The following LPIN1 variants were observed in gnomAD, a reference collection of about 807,000 sequenced individuals.
The protein encoded by LPIN1 is lipin 1.
Under a neutral mutation model 107.5 loss-of-function variants are expected in LPIN1, and 71 were observed. That is an observed-to-expected ratio of 0.66 (90% CI 0.55 to 0.80). The LOEUF (loss-of-function observed/expected upper bound fraction) is 0.80, where lower values mean the gene tolerates loss of function less well. Among genes scored for constraint, LPIN1 ranks in the 30% least tolerant of loss-of-function variants. LPIN1 has a pLI of 0.00. For synonymous variants in LPIN1, 445 were observed against 452.6 expected (o/e 0.98, Z 0.21); for missense variants, 1,043 against 1,160.6 (o/e 0.90, Z 1.47).
chr2:11,750,906 A>G lies in LPIN1; in HGVS notation c.-10+4235A>G, dbSNP rs150292084. 1.7e-3 allele frequency among the ~76,000 whole-genome samples: 261 copies of G among 152,360 alleles called. 1 individual carries two copies. Among genetic ancestry groups the G allele is most frequent in the African/African-American group, 6.1e-3 (253 of 41,590 alleles). On this transcript the variant is annotated intron_variant, in intron 1 of 20. Coordinates refer to ENST00000674199, the MANE Select transcript of LPIN1 (RefSeq NM_001349206.2). ...AGAAATAAAGTTATAAGGGCAGAGC[A>G]TTCTTTTTGACCAAGACACGAATTT... is the stretch of plus-strand genomic sequence containing the variant.
Position 11,784,896 on chromosome 2 carries a change from T to G in LPIN1, c.1369T>G (p.Ser457Ala), listed in dbSNP as rs2148660867. The G allele has an allele frequency of 3.1e-6, 5 of 1,613,880 alleles. No homozygotes were observed. Among genetic ancestry groups the G allele is most frequent in the Non-Finnish European group, 4.2e-6 (5 of 1,179,992 alleles). ...ALYFPKNGDP[S>A]GLAKHASDNG... ...TTTTCCTCCTTCCAGCGGAGATCCT[T>G]CCGGACTCGCAAAACATGCAAGCGA... Residue 457 changes from serine (S) to alanine (A), a missense_variant, in exon 10 of 21, where the codon TCC becomes GCC. Coordinates refer to ENST00000674199, the MANE Select transcript of LPIN1 (RefSeq NM_001349206.2).
At chr2:11,767,694 C>A in intron 2 of LPIN1, 69 bp from the exon 3 acceptor site, 1 of 957,442 alleles carries the variant, frequency 1.0e-6, no homozygotes, top group Non-Finnish European at 1.7e-6. Context: ...GGAGACTTGG[C>A]CGTCCCCATG....
chr2:11,741,120 T>C (rs192844524), intron 1 of LPIN1: 4 of 387,806 alleles, frequency 1.0e-5, no homozygotes, highest in Middle Eastern at 6.6e-4. Context: ...GCAGCACAAA[T>C]GGGAGGCCCT....
At chr2:11,729,641 A>C (rs11676410) in intron 1 of LPIN1, among the ~76,000 whole-genome samples, 17 of 152,148 alleles carry the variant, frequency 1.1e-4, no homozygotes, top group Non-Finnish European at 2.4e-4. Context: ...AGTAGGTGCA[A>C]CAGAGACCAT....
intron 1 of LPIN1, among the ~76,000 whole-genome samples, chr2:11,693,170 G>A (rs561567308): frequency 6.6e-6 from 1 of 151,494 alleles, no homozygotes. Context: ...GTACAGTCGT[G>A]GTCCAAAGGT....
chr2:11,721,888 A>C (rs1664173534), upstream of LPIN1: 1 of 152,406 alleles, frequency 6.6e-6, no homozygotes. Flanking sequence ...CTCAGCACAG[A>C]GAAGTTCAAT....
intron 1 of LPIN1, among the ~76,000 whole-genome samples, chr2:11,757,385 T>C (rs922117344): frequency 2.6e-5 from 4 of 152,172 alleles, no homozygotes; most frequent in African/African-American, 9.7e-5. Context: ...TGGGCAGGTA[T>C]GGGGAGGTGG....
At chr2:11,715,280 G>A (rs1215734659) in intron 2 of LPIN1, among the ~76,000 whole-genome samples, 13 of 152,286 alleles carry the variant, frequency 8.5e-5, no homozygotes, top group Admixed American at 7.8e-4. Context: ...CTGGCCCCAC[G>A]TGCAGGACAC....
At chr2:11,692,300 C>T (rs796429563) in intron 1 of LPIN1, among the ~76,000 whole-genome samples, 18 of 120,946 alleles carry the variant, frequency 1.5e-4, no homozygotes, top group African/African-American at 1.0e-3. Context: ...ACATACTTGG[C>T]ACATACTTGG....
At chr2:11,709,460 G>A (rs1274074503) in intron 1 of LPIN1, among the ~76,000 whole-genome samples, 1 of 152,190 alleles carries the variant, frequency 6.6e-6, no homozygotes, top group East Asian at 1.9e-4. Context: ...CCCAGGCCAG[G>A]GTTCTCCTCT....
chr2:11,742,336 G>A (rs1168699246), upstream of LPIN1, among the ~76,000 whole-genome samples: 2 of 152,136 alleles, frequency 1.3e-5, no homozygotes, highest in Non-Finnish European at 2.9e-5. Flanking sequence ...CTGGGCCTCA[G>A]TTTTCCTATC....
intron 14 of LPIN1, among the ~76,000 whole-genome samples, chr2:11,802,523 A>G (rs1677933184): frequency 6.6e-6 from 1 of 152,180 alleles, no homozygotes. Flanking sequence ...GTGGACTTGT[A>G]GAAACTTGGA....
chr2:11,726,305 G>T (rs910126468), intron 1 of LPIN1, among the ~76,000 whole-genome samples: 1 of 152,176 alleles, frequency 6.6e-6, no homozygotes, highest in African/African-American at 2.4e-5. Flanking sequence ...GCTGCCATCT[G>T]AGGCCATGAC....
rs1469597441 is a variant in LPIN1 at position 11,827,024 on chromosome 2, A to G, written c.*2233A>G. 1 of 152,622 alleles carries G rather than the reference A, an allele frequency of 6.6e-6. No individual in the cohort carries two copies. Among genetic ancestry groups the G allele is most frequent in the Non-Finnish European group, 1.5e-5 (1 of 68,040 alleles). 9.5% of individuals were successfully genotyped at this position (152,622 alleles called of 1,614,324 possible). On this transcript the variant is annotated 3_prime_UTR_variant, in exon 21 of 21. Coordinates refer to ENST00000674199, the MANE Select transcript of LPIN1 (RefSeq NM_001349206.2). The surrounding 1 kb of genome is among the most constrained non-coding windows in gnomAD (Gnocchi z 4.1). ...TACGAGTTGGTTTATCTTTGTGTAC[A>G]TGACTATAACCCAGTGATGCTGAGG...
chr2:11,717,948 C>G (rs115908975), intron 2 of LPIN1, among the ~76,000 whole-genome samples: 347 of 152,304 alleles, frequency 2.3e-3, no homozygotes, highest in African/African-American at 8.0e-3. Context: ...GTTTCTAGTT[C>G]TTTCCATTGC....
intron 1 of LPIN1, among the ~76,000 whole-genome samples, chr2:11,762,417 T>A (rs1669987003): frequency 1.0e-5 from 1 of 98,104 alleles, no homozygotes; most frequent in African/African-American, 4.0e-5. Context: ...CCCCTCTCCC[T>A]CCCTGGAGGT....
intron 12 of LPIN1, among the ~76,000 whole-genome samples, chr2:11,791,007 C>T (rs954734431): frequency 6.6e-6 from 1 of 151,930 alleles, no homozygotes; most frequent in Non-Finnish European, 1.5e-5. Flanking sequence ...GGTTTTGTTA[C>T]ATTTATGAGT....
In LPIN1 at chr2:11,789,386, C is replaced by T. The variant is rs375194778; in HGVS notation, c.1713+930C>T. ...GTGTGCGCATGTATGTGTGTGCATG[C>T]GGGTATGTGTGCATGCTTGTGCAGG... On this transcript the variant is annotated intron_variant, in intron 12 of 20. Coordinates refer to ENST00000674199, the MANE Select transcript of LPIN1 (RefSeq NM_001349206.2). Among the ~76,000 whole-genome samples the T allele has an allele frequency of 6.9e-3, 1,043 of 151,224 alleles. 16 individuals are homozygous for T. The highest frequency in any genetic ancestry group is 0.024 in the African/African-American group (981 of 41,148).
At chr2:11,787,567 G>A (rs1312257763) in intron 11 of LPIN1, among the ~76,000 whole-genome samples, 2 of 151,844 alleles carry the variant, frequency 1.3e-5, no homozygotes, top group African/African-American at 4.8e-5. Flanking sequence ...CACCCAGCTC[G>A]ATGTTCTTAT....
Sources: gnomAD v4.1 joint callset for allele counts (sites outside exome capture counted in the v4.1 genomes callset) on GRCh38, gnomAD v4.1.1 for gene constraint, Gnocchi (gnomAD v3.1) non-coding constraint, MANE v1.5 for transcripts, NCBI Gene and HGNC (gene_info 2026-07-23, HGNC 2026-07-21) for gene names.